Variants in EFR3B observed in about 807,000 individuals in gnomAD.
The protein encoded by EFR3B is protein EFR3 homolog B.
Under a neutral mutation model 104.7 loss-of-function variants are expected in EFR3B, and 64 were observed. The ratio of observed to expected loss-of-function variants is 0.61; its 90% confidence interval spans 0.50 to 0.75. EFR3B has a LOEUF of 0.75. Among genes scored for constraint, EFR3B ranks in the 30% least tolerant of loss-of-function variants. The pLI is 0.00. For missense variants in EFR3B, 750 were observed against 1,078.5 expected, an observed-to-expected ratio of 0.70 and a Z score of 4.27; for synonymous variants, 385 against 417.9, an observed-to-expected ratio of 0.92 and a Z score of 0.96.
intron 1 of EFR3B, among the ~76,000 whole-genome samples, chr2:25,084,512 T>C (rs1169353792): frequency 2.0e-5 from 3 of 152,186 alleles, no homozygotes; most frequent in African/African-American, 7.2e-5. Flanking sequence ...GTGTTGGGAT[T>C]ACAGGTGTGA....
At chr2:25,149,857 G>A (rs111865124) in intron 20 of EFR3B, 115 bp downstream of exon 20, 78 of 941,300 alleles carry the variant, frequency 8.3e-5, no homozygotes, top group South Asian at 8.1e-4. Context: ...CAGCACCTGC[G>A]TGAAGGGAGA....
intron 1 of EFR3B, among the ~76,000 whole-genome samples, chr2:25,046,576 C>T (rs1010135163): frequency 3.4e-5 from 5 of 146,326 alleles, no homozygotes; most frequent in African/African-American, 1.2e-4. Flanking sequence ...GATCTCGGCT[C>T]ACTGCAGGCT....
chr2:25,147,669 T>C (rs1281563641), intron 19 of EFR3B: 1 of 152,228 alleles, frequency 6.6e-6, no homozygotes, highest in African/African-American at 2.4e-5. Context: ...TGGAACTTTA[T>C]ATCAATGAAA....
intron 4 of EFR3B, among the ~76,000 whole-genome samples, chr2:25,112,072 C>A (rs1048133582): frequency 7.2e-5 from 11 of 152,218 alleles, no homozygotes; most frequent in African/African-American, 2.7e-4. Context: ...TGTGCTCTAC[C>A]CTCTTCTCAC....
At chr2:25,087,460 A>T (rs1332999552) in intron 1 of EFR3B, among the ~76,000 whole-genome samples, 1 of 149,926 alleles carries the variant, frequency 6.7e-6, no homozygotes, top group Non-Finnish European at 1.5e-5. Context: ...CATTCTTTTG[A>T]CGGCGCCTTT....
In EFR3B at chr2:25,133,380, C is replaced by T; in HGVS notation, c.1260-3C>T. ...GGTGAGTGTTTGTGTCTCTGGTCTA[C>T]AGGGAGAATAGGAACCGTCTGACCC... On this transcript the variant is annotated splice_polypyrimidine_tract_variant and splice_region_variant and intron_variant, in intron 11 of 22. Coordinates refer to ENST00000403714, the MANE Select transcript of EFR3B (RefSeq NM_014971.2). The T allele has an allele frequency of 6.4e-7, 1 of 1,552,346 alleles. No individual in the cohort carries two copies. The highest frequency in any genetic ancestry group is 8.7e-7 in the Non-Finnish European group (1 of 1,147,122).
At chr2:25,122,536 T>A (rs1472913480) in intron 5 of EFR3B, among the ~76,000 whole-genome samples, 1 of 152,008 alleles carries the variant, frequency 6.6e-6, no homozygotes, top group East Asian at 1.9e-4. Flanking sequence ...CCACTCCATC[T>A]CCTTGGCCCT....
chr2:25,087,925 T>C lies in EFR3B; in HGVS notation c.8-3400T>C, dbSNP rs950149331. ...TTATCTTCAAGAAGTTTTATAGCTT[T>C]GAGTTTGACATTCAGGTGAATGATT... On this transcript the variant is annotated intron_variant, in intron 1 of 22. Coordinates refer to ENST00000403714, the MANE Select transcript of EFR3B (RefSeq NM_014971.2). Among the ~76,000 whole-genome samples the C allele has an allele frequency of 2.6e-5, 4 of 152,230 alleles. No individual in the cohort carries two copies. The South Asian group carries it at 8.3e-4, about 31-fold the overall frequency.
chr2:25,086,444 C>T (rs1163379630), intron 1 of EFR3B, among the ~76,000 whole-genome samples: 1 of 152,186 alleles, frequency 6.6e-6, no homozygotes, highest in Admixed American at 6.5e-5. Flanking sequence ...TGTTCTGGAT[C>T]TGGGCCATTC....
intron 1 of EFR3B, among the ~76,000 whole-genome samples, chr2:25,052,053 G>A (rs558971320): frequency 1.8e-4 from 28 of 151,696 alleles, no homozygotes; most frequent in African/African-American, 5.3e-4. Context: ...AAAATTAGCC[G>A]AGCATGGTGG....
chr2:25,150,602 T>C (rs1029224094), intron 20 of EFR3B, among the ~76,000 whole-genome samples: 1 of 145,934 alleles, frequency 6.9e-6, no homozygotes, highest in Non-Finnish European at 1.5e-5. Flanking sequence ...AATGTACACA[T>C]TTCTTGCCCT....
chr2:25,084,762 A>G (rs1400318691), intron 1 of EFR3B, among the ~76,000 whole-genome samples: 1 of 152,216 alleles, frequency 6.6e-6, no homozygotes, highest in Non-Finnish European at 1.5e-5. Context: ...CAAAGTGGAG[A>G]GGGGGCTTCC....
Position 25,130,798 on chromosome 2 carries a change from T to C in EFR3B, c.849+168T>C, listed in dbSNP as rs897716680. ...TGTGGAGAAGGGCCGGCTGATTTTA[T>C]TTCCAGTACATCACAGACCAATACT... On this transcript the variant is annotated intron_variant, in intron 8 of 22. Coordinates refer to ENST00000403714, the MANE Select transcript of EFR3B (RefSeq NM_014971.2). This position sits in a 1 kb window ranked among gnomAD's most constrained non-coding sequence, Gnocchi z 4.6. 6.6e-6 allele frequency among the ~76,000 whole-genome samples: 1 copy of C among 152,236 alleles called. No homozygotes were observed. Among genetic ancestry groups the C allele is most frequent in the African/African-American group, 2.4e-5 (1 of 41,466 alleles).
At chr2:25,050,288 T>C (rs1412295675) in intron 1 of EFR3B, among the ~76,000 whole-genome samples, 7 of 151,808 alleles carry the variant, frequency 4.6e-5, no homozygotes, top group Admixed American at 2.0e-4. Context: ...TGCAGGGTGG[T>C]GGGAGGTGAT....
In EFR3B at chr2:25,130,442, G is replaced by C; in HGVS notation, c.771-110G>C. ...CTTCAGGCTTCACTTCCTCACCCGG[G>C]AACTGTGCGAGGGGCTCTGAGAAGG... On this transcript the variant is annotated intron_variant, in intron 7 of 22. Transcript: ENST00000403714. This position sits in a 1 kb window ranked among gnomAD's most constrained non-coding sequence, Gnocchi z 4.6. 1 of 1,011,766 alleles carries C rather than the reference G, an allele frequency of 9.9e-7. No homozygotes were observed. Among genetic ancestry groups the C allele is most frequent in the East Asian group, 2.6e-5 (1 of 38,452 alleles). The allele number at this position is 1,011,766 out of a possible 1,614,324, so 62.7% of individuals were successfully genotyped here. A position where few individuals can be genotyped will look rare whatever the true frequency, so the allele number is the denominator to read the frequency against.
At chr2:25,104,068 C>G (rs1558603212) in intron 4 of EFR3B, among the ~76,000 whole-genome samples, 1 of 152,138 alleles carries the variant, frequency 6.6e-6, no homozygotes, top group South Asian at 2.1e-4. Flanking sequence ...CCCGTGGTGG[C>G]CAGGCACAGT....
intron 1 of EFR3B, among the ~76,000 whole-genome samples, chr2:25,051,082 C>G (rs529000997): frequency 5.3e-5 from 8 of 152,084 alleles, no homozygotes; most frequent in Non-Finnish European, 8.8e-5. Flanking sequence ...GGCTCCACCC[C>G]CCTTTGCAGT....
At chr2:25,096,697 A>G (rs760322776) in intron 3 of EFR3B, among the ~76,000 whole-genome samples, 1 of 151,990 alleles carries the variant, frequency 6.6e-6, no homozygotes, top group African/African-American at 2.4e-5. Context: ...GACCTCTTTG[A>G]TAGGCCTCCC....
chr2:25,042,114 G>A lies in EFR3B; in HGVS notation c.-199G>A. 8.1e-6 allele frequency: 3 copies of A among 368,744 alleles called. No homozygotes were observed. Among genetic ancestry groups the A allele is most frequent in the Non-Finnish European group, 9.1e-6 (2 of 220,718 alleles). The allele number at this position is 368,744 out of a possible 1,614,324, so 22.8% of individuals were successfully genotyped here. A position where few individuals can be genotyped will look rare whatever the true frequency, so the allele number is the denominator to read the frequency against. On this transcript the variant is annotated 5_prime_UTR_variant, in exon 1 of 23. Coordinates refer to ENST00000403714, the MANE Select transcript of EFR3B (RefSeq NM_014971.2). The surrounding 1 kb of genome is among the most constrained non-coding windows in gnomAD (Gnocchi z 5.4). ...AACCCGAGCGGAGGCGGCCGCTGCA[G>A]CCCGGCGCTGAATGGGCTGGCGGCG...
Sources: allele counts gnomAD v4.1 joint callset (sites outside exome capture counted in the v4.1 genomes callset), GRCh38; gene constraint gnomAD v4.1.1; non-coding constraint Gnocchi (gnomAD v3.1); transcripts MANE v1.5; gene names NCBI Gene and HGNC (gene_info 2026-07-23, HGNC 2026-07-21).